The following SFMBT2 variants were observed in gnomAD, a reference collection of about 807,000 sequenced individuals.
The protein encoded by SFMBT2 is Scm like with four mbt domains 2, also known as scm-like with four MBT domains protein 2.
In SFMBT2, 38 loss-of-function variants were observed where a neutral mutation model predicts 110.1. That is an observed-to-expected ratio of 0.35 (90% CI 0.27 to 0.45). The LOEUF is 0.45. Among genes scored for constraint, SFMBT2 ranks in the 20% least tolerant of loss-of-function variants. The pLI, the probability that SFMBT2 is intolerant of heterozygous loss-of-function variation, is 1.00. For synonymous variants in SFMBT2, 425 were observed against 425.4 expected, an observed-to-expected ratio of 1.00 and a Z score of 0.01; for missense variants, 1,011 against 1,094.9, an observed-to-expected ratio of 0.92 and a Z score of 1.08.
chr10:7,370,505 G>T, intron 2 of SFMBT2, 130 bp from the exon 3 acceptor site: 1 of 775,274 alleles, frequency 1.3e-6, no homozygotes, highest in Non-Finnish European at 2.1e-6. Context: ...GGATATTGCT[G>T]AATTTTTTGC....
intron 4 of SFMBT2, among the ~76,000 whole-genome samples, chr10:7,305,502 T>A (rs1267748788): frequency 1.3e-5 from 2 of 152,340 alleles, no homozygotes; most frequent in East Asian, 1.9e-4. Flanking sequence ...TGTCTCTGAC[T>A]TGCGTAGTAT....
chr10:7,193,296 G>A (rs1348555766), intron 15 of SFMBT2, among the ~76,000 whole-genome samples: 1 of 152,166 alleles, frequency 6.6e-6, no homozygotes, highest in South Asian at 2.1e-4. Context: ...CCCACAGATG[G>A]CCCACATGAA....
At chr10:7,193,965 C>G in intron 15 of SFMBT2, among the ~76,000 whole-genome samples, 1 of 152,284 alleles carries the variant, frequency 6.6e-6, no homozygotes, top group South Asian at 2.1e-4. Flanking sequence ...GAAAAAGATG[C>G]TCCCAATGGA....
intron 4 of SFMBT2, among the ~76,000 whole-genome samples, chr10:7,290,100 C>T (rs1488426094): frequency 1.3e-5 from 2 of 152,038 alleles, no homozygotes; most frequent in Non-Finnish European, 2.9e-5. Flanking sequence ...ACCTGCCCTG[C>T]GCCCAACTAC....
chr10:7,382,072 G>T, intron 1 of SFMBT2, 123 bp from the exon 2 acceptor site: 1 of 504,806 alleles, frequency 2.0e-6, no homozygotes. Context: ...TAACTTTCAA[G>T]ATGCAACATA....
chr10:7,205,284 A>G, intron 12 of SFMBT2: 4 of 384,338 alleles, frequency 1.0e-5, no homozygotes, highest in Non-Finnish European at 1.4e-5. Flanking sequence ...TATATACAGT[A>G]TCTCACTATG....
At chr10:7,377,785 C>T (rs1293073546) in intron 2 of SFMBT2, among the ~76,000 whole-genome samples, 1 of 152,158 alleles carries the variant, frequency 6.6e-6, no homozygotes, top group African/African-American at 2.4e-5. Context: ...TGACACTCAC[C>T]TCCTGTGGTG....
At chr10:7,250,162 G>C (rs1187654194) in intron 7 of SFMBT2, among the ~76,000 whole-genome samples, 1 of 152,084 alleles carries the variant, frequency 6.6e-6, no homozygotes, top group Non-Finnish European at 1.5e-5. Context: ...TACATACACA[G>C]GTTTGTTACA....
intron 16 of SFMBT2, 133 bp from the exon 17 acceptor site, chr10:7,176,298 G>A: frequency 1.9e-6 from 2 of 1,068,508 alleles, no homozygotes; most frequent in Non-Finnish European, 2.7e-6. Flanking sequence ...TTCCCATGTT[G>A]CTTCTGTTAT....
intron 4 of SFMBT2, among the ~76,000 whole-genome samples, chr10:7,319,670 CAG>C (rs1843113151): frequency 6.8e-6 from 1 of 146,764 alleles, no homozygotes; most frequent in Non-Finnish European, 1.5e-5. Flanking sequence ...GAGAGAGAGA[CAG>C]AGAGAGACAA....
intron 6 of SFMBT2, among the ~76,000 whole-genome samples, chr10:7,280,364 G>A (rs1395140908): frequency 6.6e-6 from 1 of 150,892 alleles, no homozygotes; most frequent in African/African-American, 2.4e-5. Flanking sequence ...CTGACTCCAA[G>A]ATCTAAAACA....
chr10:7,297,458 G>A (rs1842434163), intron 4 of SFMBT2, among the ~76,000 whole-genome samples: 1 of 152,078 alleles, frequency 6.6e-6, no homozygotes, highest in South Asian at 2.1e-4. Flanking sequence ...TGCACAAGAA[G>A]GTTCTCAGCA....
rs554360902 is a variant in SFMBT2, at chr10:7,158,933, G to A, written c.*4837C>T. ...CAGTGAAAGAGCTTTCAACAATCAC[G>A]ACGAGGGATAGTTGATGCTTCCAGA... On this transcript the variant is annotated 3_prime_UTR_variant, in exon 21 of 21. Coordinates refer to ENST00000397167, the MANE Select transcript of SFMBT2 (RefSeq NM_001387889.1). 2 of 152,180 alleles carry A rather than the reference G, an allele frequency of 1.3e-5. No homozygotes were observed. The highest frequency in any genetic ancestry group is 6.5e-5 in the Admixed American group (1 of 15,284). The allele number at this position is 152,180 out of a possible 1,614,324, so 9.4% of individuals were successfully genotyped here.
intron 2 of SFMBT2, among the ~76,000 whole-genome samples, chr10:7,372,979 G>A (rs983767440): frequency 1.9e-4 from 29 of 152,170 alleles, no homozygotes; most frequent in African/African-American, 5.8e-4. Context: ...TGCTGTGTTC[G>A]AGTGTCACTT....
chr10:7,197,770 T>C, intron 14 of SFMBT2, 83 bp from the exon 15 acceptor site: 2 of 1,522,026 alleles, frequency 1.3e-6, no homozygotes, highest in East Asian at 2.3e-5. Context: ...TTCATCCACA[T>C]GGTCAGGGAA....
At chr10:7,220,311 A>G in intron 11 of SFMBT2, 100 bp downstream of exon 11, 1 of 857,666 alleles carries the variant, frequency 1.2e-6, no homozygotes, top group Non-Finnish European at 1.9e-6. Context: ...ATGAAAGAGA[A>G]GTAAGGCCCC....
chr10:7,171,843 G>A lies in SFMBT2; in HGVS notation c.2415+52C>T. 2 of 1,375,176 alleles carry A rather than the reference G, an allele frequency of 1.5e-6. No individual in the cohort carries two copies. The highest frequency in any genetic ancestry group is 1.9e-6 in the Non-Finnish European group (2 of 1,066,066). 85.2% of individuals were successfully genotyped at this position (1,375,176 alleles called of 1,614,324 possible). Reference sequence around the variant, plus strand: ...ATCGTGGCCCTGAAGTGTAACAGGTGTGCTTCTTCAGACCCAGCGGGAAGC... The same window carrying A: ...ATCGTGGCCCTGAAGTGTAACAGGTATGCTTCTTCAGACCCAGCGGGAAGC... On this transcript the variant is annotated intron_variant, in intron 19 of 20. Transcript: ENST00000397167. The surrounding 1 kb of genome is among the most constrained non-coding windows in gnomAD (Gnocchi z 4.9).
intron 4 of SFMBT2, among the ~76,000 whole-genome samples, chr10:7,342,065 C>T (rs11592346): frequency 1.5e-3 from 220 of 150,528 alleles, no homozygotes; most frequent in Non-Finnish European, 2.4e-3. Flanking sequence ...CTACTTGGTC[C>T]GCAGCTCACT....
rs1842332313 is a variant in SFMBT2, at chr10:7,293,995, T to C, written c.437-8041A>G. Among the ~76,000 whole-genome samples, 1 of 152,208 alleles carries C rather than the reference T, an allele frequency of 6.6e-6. No individual in the cohort carries two copies. The highest frequency in any genetic ancestry group is 1.5e-5 in the Non-Finnish European group (1 of 68,034). ...CCTCGCTGGACATGGCCACATCTCATAGTACAATAGGAGGTACGTCCCAAA... is the reference window on the plus strand; with the variant it reads ...CCTCGCTGGACATGGCCACATCTCACAGTACAATAGGAGGTACGTCCCAAA... On this transcript the variant is annotated intron_variant, in intron 4 of 20. Transcript: ENST00000397167. The surrounding 1 kb of genome is among the most constrained non-coding windows in gnomAD (Gnocchi z 4.6).
Sources: gnomAD v4.1 joint callset for allele counts (sites outside exome capture counted in the v4.1 genomes callset) on GRCh38, gnomAD v4.1.1 for gene constraint, Gnocchi (gnomAD v3.1) non-coding constraint, MANE v1.5 for transcripts, NCBI Gene and HGNC (gene_info 2026-07-23, HGNC 2026-07-21) for gene names.